Variants in CCDC171 observed in about 807,000 individuals in gnomAD.
CCDC171 encodes coiled-coil domain-containing protein 171.
Under a neutral mutation model 168.2 loss-of-function variants are expected in CCDC171, and 177 were observed. The observed-to-expected ratio is 1.05, with a 90% confidence interval of 0.93 to 1.19. The LOEUF (loss-of-function observed/expected upper bound fraction) is 1.19, where lower values mean the gene tolerates loss of function less well. Among genes scored for constraint, CCDC171 ranks in the 50% most tolerant of loss-of-function variants. The pLI, the probability that CCDC171 is intolerant of heterozygous loss-of-function variation, is 0.00. For synonymous variants in CCDC171, 687 were observed against 540.8 expected (o/e 1.27, Z -3.75); for missense variants, 1,991 against 1,539.0 (o/e 1.29, Z -4.91).
At chr9:15,633,620 T>G (rs2132349393) in intron 7 of CCDC171, among the ~76,000 whole-genome samples, 1 of 152,308 alleles carries the variant, frequency 6.6e-6, no homozygotes, top group East Asian at 1.9e-4. Flanking sequence ...GTGTGGCGAT[T>G]CCTCAGGAAT....
At chr9:16,042,776 T>G (rs1034642865), upstream of CCDC171, 1 of 152,160 alleles carries the variant, frequency 6.6e-6, no homozygotes, top group Non-Finnish European at 1.5e-5. Context: ...ATAACTCTTT[T>G]TTTTGTTTTC....
At chr9:15,880,626 GT>G (rs57349228) in intron 24 of CCDC171, among the ~76,000 whole-genome samples, 4,553 of 115,852 alleles carry the variant, frequency 0.039, 76 homozygotes, top group South Asian at 0.097. Flanking sequence ...CCGCCTAATT[GT>G]TTTTTTTTTT....
intron 21 of CCDC171, among the ~76,000 whole-genome samples, chr9:15,811,220 T>C (rs1265123990): frequency 1.3e-5 from 2 of 152,224 alleles, no homozygotes; most frequent in South Asian, 2.1e-4. Context: ...TTTGCTGATA[T>C]TGAGCTAATG....
chr9:15,794,663 G>C (rs1274044772), intron 21 of CCDC171, among the ~76,000 whole-genome samples: 1 of 152,112 alleles, frequency 6.6e-6, no homozygotes, highest in Non-Finnish European at 1.5e-5. Context: ...AGATTTTTAA[G>C]GGATTATAAA....
chr9:15,654,274 C>G (rs570456740), intron 7 of CCDC171, among the ~76,000 whole-genome samples: 7 of 150,992 alleles, frequency 4.6e-5, no homozygotes, highest in Non-Finnish European at 1.0e-4. Context: ...GTTGTAGAAT[C>G]TAAATAAAGC....
At position 15,678,838 on chromosome 9, in the gene CCDC171, CAAAGAG is replaced by C; in HGVS notation, c.1159_1164del (p.Lys387_Arg388del). On this transcript the variant is annotated inframe_deletion, in exon 10 of 26. Transcript: ENST00000380701. ...CAGAAGAAAGTAATTATAGACCTTTCAAAGAGACTCCAGTATAATGAAAAAAGTTGC... is the reference window on the plus strand; with the variant it reads ...CAGAAGAAAGTAATTATAGACCTTTCACTCCAGTATAATGAAAAAAGTTGC... 6.3e-7 allele frequency: 1 copy of C among 1,596,416 alleles called. No individual in the cohort carries two copies.
chr9:16,013,173 T>G (rs567755945), intron 3 of CCDC171, among the ~76,000 whole-genome samples: 7 of 152,308 alleles, frequency 4.6e-5, no homozygotes, highest in South Asian at 2.1e-4. Flanking sequence ...CAGAATAATA[T>G]CTGAGTGGAT....
In CCDC171 at chr9:15,997,813, G is replaced by C. The variant is rs115259310; in HGVS notation, n.369-22776G>C. On this transcript the variant is annotated intron_variant and non_coding_transcript_variant, in intron 3 of 9. Transcript: ENST00000486641. ...TTATTCACTGTCAGAACTTGGCAAG[G>C]AGGTACCAGGGTGTGCCCAAGTGGA... Among the ~76,000 whole-genome samples the C allele has an allele frequency of 1.7e-3, 253 of 152,274 alleles. 2 individuals carry two copies. The highest frequency in any genetic ancestry group is 5.7e-3 in the African/African-American group (235 of 41,560).
rs76621791 is a variant in CCDC171, at chr9:15,920,012, A to T, written c.3601-258A>T. On this transcript the variant is annotated intron_variant, in intron 24 of 25. Transcript: ENST00000380701. ...GTGCCATCTTTTAAAACCGCATTCT[A>T]AATTTTAAGCACAATAGATCAAAGT... Among the ~76,000 whole-genome samples the T allele has an allele frequency of 0.055, 8,349 of 151,792 alleles. 320 individuals are homozygous for T. Among genetic ancestry groups the T allele is most frequent in the Non-Finnish European group, 0.083 (5,648 of 67,690 alleles).
intron 22 of CCDC171, among the ~76,000 whole-genome samples, chr9:15,848,588 TTTTC>T (rs1485838107): frequency 6.6e-6 from 1 of 151,888 alleles, no homozygotes; most frequent in African/African-American, 2.4e-5. Flanking sequence ...ATTGTGATTT[TTTTC>T]TTTGTTTTTC....
intron 7 of CCDC171, among the ~76,000 whole-genome samples, chr9:16,035,818 G>A (rs773447641): frequency 2.6e-5 from 4 of 152,204 alleles, no homozygotes; most frequent in African/African-American, 9.7e-5. Flanking sequence ...ACTGGGCTAT[G>A]TTGTGTGGAA....
At chr9:15,907,296 A>G (rs1822823411) in intron 24 of CCDC171, among the ~76,000 whole-genome samples, 2 of 152,164 alleles carry the variant, frequency 1.3e-5, no homozygotes, top group African/African-American at 4.8e-5. Flanking sequence ...CATGGTACTG[A>G]TACCAAAACA....
At chr9:16,096,511 C>G in the CCDC171 span, among the ~76,000 whole-genome samples, 5 of 152,218 alleles carry the variant, frequency 3.3e-5, no homozygotes, top group African/African-American at 1.2e-4. Flanking sequence ...GCCTCTAGAC[C>G]CCTGTACCTT....
rs540318539 is a variant in CCDC171 at position 15,693,483 on chromosome 9, A to T, written c.1216-1752A>T. The stretch of plus-strand genomic sequence containing the variant: ...ATACACTGGTGAGGACAAAAAAAAA[A>T]AACAGACATTTACTCCCTTCATGGA... On this transcript the variant is annotated intron_variant, in intron 10 of 25. Transcript: ENST00000380701. Among the ~76,000 whole-genome samples, 171 of 152,256 alleles carry T rather than the reference A, an allele frequency of 1.1e-3. 1 individual carries two copies. Among genetic ancestry groups the T allele is most frequent in the African/African-American group, 4.0e-3 (168 of 41,568 alleles).
At chr9:15,603,037 A>G (rs1355025455) in intron 6 of CCDC171, among the ~76,000 whole-genome samples, 3 of 151,592 alleles carry the variant, frequency 2.0e-5, no homozygotes, top group Admixed American at 6.6e-5. Context: ...ATTGGAGTGC[A>G]GTGGCGCGAT....
At chr9:15,957,343 A>C (rs1829901630) in intron 25 of CCDC171, among the ~76,000 whole-genome samples, 1 of 152,184 alleles carries the variant, frequency 6.6e-6, no homozygotes, top group Non-Finnish European at 1.5e-5. Context: ...AAGCCAGTCA[A>C]GTGTGGCTGA....
In CCDC171 at chr9:15,618,116, C is replaced by T. The variant is rs187447881; in HGVS notation, c.676-5151C>T. ...GAAAGATTTAAGTCCACTGAAGCTG[C>T]GACTGCAGCCGCCCCTTCCCCCAGG... On this transcript the variant is annotated intron_variant, in intron 6 of 25. Coordinates refer to ENST00000380701, the MANE Select transcript of CCDC171 (RefSeq NM_173550.4). Among the ~76,000 whole-genome samples the T allele has an allele frequency of 1.8e-3, 278 of 152,286 alleles. 2 individuals carry two copies. The highest frequency in any genetic ancestry group is 0.016 in the Admixed American group (239 of 15,302).
chr9:15,774,809 C>A (rs1157030440), intron 18 of CCDC171, among the ~76,000 whole-genome samples: 1 of 152,154 alleles, frequency 6.6e-6, no homozygotes, highest in South Asian at 2.1e-4. Context: ...TTGTAGCAAC[C>A]TGGATTGAAT....
intron 6 of CCDC171, among the ~76,000 whole-genome samples, chr9:15,607,884 C>G (rs955178279): frequency 1.3e-5 from 2 of 152,146 alleles, no homozygotes; most frequent in Non-Finnish European, 2.9e-5. Flanking sequence ...ACTGCCTTGT[C>G]CATTTTCTGT....
Sources: allele counts gnomAD v4.1 joint callset (sites outside exome capture counted in the v4.1 genomes callset), GRCh38; gene constraint gnomAD v4.1.1; transcripts MANE v1.5; gene names NCBI Gene and HGNC (gene_info 2026-07-23, HGNC 2026-07-21).